ZBBX: variants seen among roughly 807,000 people sequenced by gnomAD.
The protein encoded by ZBBX is zinc finger B-box domain containing, also known as zinc finger B-box domain-containing protein 1.
A neutral mutation model predicts 108.5 loss-of-function variants in ZBBX; 101 were observed. The ratio of observed to expected loss-of-function variants is 0.93; its 90% confidence interval spans 0.79 to 1.10. The LOEUF (loss-of-function observed/expected upper bound fraction) is 1.10, where lower values mean the gene tolerates loss of function less well. ZBBX is among the 50% of genes least tolerant of loss of function. The pLI is 0.00. For synonymous variants in ZBBX, 356 were observed against 323.4 expected, an observed-to-expected ratio of 1.10 and a Z score of -1.08; for missense variants, 1,009 against 941.4, an observed-to-expected ratio of 1.07 and a Z score of -0.94.
At chr3:167,389,495 G>A (rs1748025006) in intron 1 of ZBBX, among the ~76,000 whole-genome samples, 1 of 152,124 alleles carries the variant, frequency 6.6e-6, no homozygotes, top group Non-Finnish European at 1.5e-5. Context: ...TATATACTCA[G>A]TAATGGGATT....
the ZBBX span, among the ~76,000 whole-genome samples, chr3:167,219,970 C>T: frequency 6.6e-6 from 1 of 151,876 alleles, no homozygotes; most frequent in Non-Finnish European, 1.5e-5. Flanking sequence ...CTATGAGGAA[C>T]AATGTGCCAA....
intron 20 of ZBBX, among the ~76,000 whole-genome samples, chr3:167,276,807 T>A (rs543156851): frequency 6.6e-6 from 1 of 151,502 alleles, no homozygotes; most frequent in African/African-American, 2.4e-5. Context: ...TTCACCAAAG[T>A]TGAAATGAAG....
intron 11 of ZBBX, among the ~76,000 whole-genome samples, chr3:167,323,905 C>T (rs1736910715): frequency 2.0e-5 from 3 of 151,940 alleles, no homozygotes; most frequent in Admixed American, 2.0e-4. Context: ...AAAGTACCTG[C>T]CTTTCACATA....
At chr3:167,231,553 G>C in the ZBBX span, among the ~76,000 whole-genome samples, 6 of 151,810 alleles carry the variant, frequency 4.0e-5, no homozygotes, top group Admixed American at 3.3e-4. Flanking sequence ...TACAGCCAGT[G>C]AAAAAAATCA....
At chr3:167,191,180 G>T in the ZBBX span, among the ~76,000 whole-genome samples, 2 of 152,196 alleles carry the variant, frequency 1.3e-5, no homozygotes, top group East Asian at 1.9e-4. Flanking sequence ...GTCACATCCA[G>T]TCTCTAAAGA....
intron 18 of ZBBX, among the ~76,000 whole-genome samples, chr3:167,291,157 C>T (rs936078348): frequency 6.6e-6 from 1 of 152,100 alleles, no homozygotes; most frequent in African/African-American, 2.4e-5. Context: ...AAGAGAACTT[C>T]CCCAACCTAC....
chr3:167,263,035 C>CTTTTTTT (rs59613369), intron 20 of ZBBX, among the ~76,000 whole-genome samples: 3 of 84,894 alleles, frequency 3.5e-5, no homozygotes, highest in African/African-American at 1.4e-4. Context: ...TTTTCTAGTT[C>CTTTTTTT]TTTTTTTTTT....
At chr3:167,382,656 G>C (rs1380368527), upstream of ZBBX, among the ~76,000 whole-genome samples, 2 of 151,982 alleles carry the variant, frequency 1.3e-5, no homozygotes, top group Non-Finnish European at 2.9e-5. Context: ...TTAGAAATAA[G>C]GTAAAGCCAA....
At chr3:167,242,441 A>C (rs1420049084) in intron 21 of ZBBX, 64 bp downstream of exon 21, 7 of 1,338,546 alleles carry the variant, frequency 5.2e-6, no homozygotes, top group Non-Finnish European at 7.1e-6. Flanking sequence ...AAAGATAACT[A>C]GTTGGAGCTT....
the ZBBX span, among the ~76,000 whole-genome samples, chr3:167,202,168 A>G: frequency 6.6e-6 from 1 of 152,086 alleles, no homozygotes; most frequent in Non-Finnish European, 1.5e-5. Context: ...ACTCTTAGTG[A>G]GAGAAGGGCT....
At chr3:167,401,042 T>C (rs1029597090) in intron 1 of ZBBX, among the ~76,000 whole-genome samples, 2 of 152,162 alleles carry the variant, frequency 1.3e-5, no homozygotes, top group African/African-American at 4.8e-5. Context: ...CAACACAATC[T>C]ACCACTATTT....
chr3:167,355,936 A>T (rs546041681), intron 8 of ZBBX, among the ~76,000 whole-genome samples: 1 of 152,160 alleles, frequency 6.6e-6, no homozygotes, highest in East Asian at 1.9e-4. Context: ...CTTTCCAGCC[A>T]AGGCACCTGC....
intron 8 of ZBBX, among the ~76,000 whole-genome samples, chr3:167,354,525 T>C (rs1316084212): frequency 6.6e-6 from 1 of 151,864 alleles, no homozygotes; most frequent in Non-Finnish European, 1.5e-5. Context: ...GCATAGAAAC[T>C]AGTCCCCTCT....
At chr3:167,182,622 T>C in the ZBBX span, among the ~76,000 whole-genome samples, 1 of 152,164 alleles carries the variant, frequency 6.6e-6, no homozygotes, top group South Asian at 2.1e-4. Flanking sequence ...TCTGCAGTTA[T>C]ATTAATTTGA....
chr3:167,206,033 C>T, the ZBBX span, among the ~76,000 whole-genome samples: 7 of 152,044 alleles, frequency 4.6e-5, no homozygotes, highest in Non-Finnish European at 7.4e-5. Context: ...AGGAAATTTC[C>T]AGCATATAGT....
intron 1 of ZBBX, among the ~76,000 whole-genome samples, chr3:167,400,816 G>T (rs1049820864): frequency 2.6e-5 from 4 of 152,010 alleles, no homozygotes; most frequent in Admixed American, 2.6e-4. Flanking sequence ...AAGCAGGGAA[G>T]GGGCTTCCAG....
rs777238625 is a variant in ZBBX, at chr3:167,322,209, A to G, written c.891T>C (p.Thr297=). Residue 297 remains threonine, a synonymous_variant, in exon 12 of 22, where the codon ACT becomes ACC. Transcript: ENST00000675490. ...KDSLEECEVQ[T]NLKIWREPLN... Reference sequence around the variant, plus strand: ...GTGGTTCTCTCCAAATTTTCAGATTAGTCTGTACTTCGCATTCTTCCAATG... The same window carrying G: ...GTGGTTCTCTCCAAATTTTCAGATTGGTCTGTACTTCGCATTCTTCCAATG... 4 of 1,482,498 alleles carry G rather than the reference A, an allele frequency of 2.7e-6. No individual in the cohort carries two copies. In the South Asian group the frequency reaches 6.1e-5, roughly 23 times the overall value. 91.8% of individuals were successfully genotyped at this position (1,482,498 alleles called of 1,614,324 possible). A position where few individuals can be genotyped will look rare whatever the true frequency, so the allele number is the denominator to read the frequency against.
At chr3:167,202,998 A>G in the ZBBX span, among the ~76,000 whole-genome samples, 9 of 152,154 alleles carry the variant, frequency 5.9e-5, no homozygotes, top group Non-Finnish European at 8.8e-5. Context: ...AAGAATTTTT[A>G]TTGACATGGC....
intron 1 of ZBBX, among the ~76,000 whole-genome samples, chr3:167,389,138 C>A (rs1488147885): frequency 6.6e-6 from 1 of 152,060 alleles, no homozygotes; most frequent in Non-Finnish European, 1.5e-5. Context: ...TGCCCCCGAC[C>A]ACCTGACAGG....
Sources: allele counts gnomAD v4.1 joint callset (sites outside exome capture counted in the v4.1 genomes callset), GRCh38; gene constraint gnomAD v4.1.1; transcripts MANE v1.5; gene names NCBI Gene and HGNC (gene_info 2026-07-23, HGNC 2026-07-21).